The following ITGAX variants were observed in gnomAD, a reference collection of about 807,000 sequenced individuals.
The protein encoded by ITGAX is integrin subunit alpha X.
Under a neutral mutation model 140.2 loss-of-function variants are expected in ITGAX, and 99 were observed. The ratio of observed to expected loss-of-function variants is 0.71; its 90% CI spans 0.60 to 0.83. ITGAX has a LOEUF of 0.83. ITGAX is among the 40% of genes least tolerant of loss of function. The probability of loss-of-function intolerance (pLI) is 0.00; values close to 1 mark genes in which losing one functional copy is unlikely to be tolerated. For synonymous variants in ITGAX, 631 were observed against 600.4 expected, an observed-to-expected ratio of 1.05 and a Z score of -0.75; for missense variants, 1,444 against 1,482.0, an observed-to-expected ratio of 0.97 and a Z score of 0.42.
At chr16:31,376,143 G>A (rs1394403320) in intron 20 of ITGAX, among the ~76,000 whole-genome samples, 2 of 152,072 alleles carry the variant, frequency 1.3e-5, no homozygotes, top group Non-Finnish European at 2.9e-5. Flanking sequence ...GAAAAATGTT[G>A]GTTACTTAAA....
chr16:31,363,213 C>A lies in ITGAX; in HGVS notation c.1549C>A (p.Pro517Thr), dbSNP rs1349872317. 4 of 1,612,934 alleles carry A rather than the reference C, an allele frequency of 2.5e-6. No homozygotes were observed. The highest frequency in any genetic ancestry group is 1.3e-5 in the African/African-American group (1 of 74,744). Residue 517 changes from proline to threonine, a missense_variant, in exon 14 of 30, where the codon CCC becomes ACC. By Grantham distance (38) the Pro-to-Thr change is conservative. Coordinates refer to ENST00000268296, the MANE Select transcript of ITGAX (RefSeq NM_000887.5). ...DAVLYGEQGHPWGRFGAALTV... is the reference protein window; with the variant it reads ...DAVLYGEQGHTWGRFGAALTV... The stretch of plus-strand genomic sequence containing the variant: ...TGTTCTCTACGGGGAGCAGGGCCAC[C>A]CCTGGGGTCGCTTTGGGGCGGCTCT...
In ITGAX at chr16:31,362,144, A is replaced by G; in HGVS notation, c.1156A>G (p.Met386Val). Residue 386 changes from methionine (M) to valine (V), a missense_variant, in exon 11 of 30, where the codon ATG (methionine) becomes GTG (valine). Transcript: ENST00000268296. The part of the protein sequence containing the change: ...SGGAFLYPPN[M>V]SPTFINMSQE... ...AGGTGCCTTCCTGTACCCCCCAAAT[A>G]TGAGCCCTACCTTCATCAACATGTC... The G allele has an allele frequency of 1.2e-6, 2 of 1,614,004 alleles. No homozygotes were observed. Among genetic ancestry groups the G allele is most frequent in the East Asian group, 2.2e-5 (1 of 44,850 alleles).
In ITGAX at chr16:31,371,185, G is replaced by T; in HGVS notation, c.1812G>T (p.Val604=). 6.2e-7 allele frequency: 1 copy of T among 1,611,162 alleles called. No individual in the cohort carries two copies. Among genetic ancestry groups the T allele is most frequent in the Non-Finnish European group, 8.5e-7 (1 of 1,178,696 alleles). Residue 604 remains valine, a synonymous_variant, in exon 15 of 30, where the codon GTG becomes GTT. Coordinates refer to ENST00000268296, the MANE Select transcript of ITGAX (RefSeq NM_000887.5). ...AGGATGGACTGGTGGACCTGGCTGTGGGGGCCCGGGGCCAGGTGCTCCTGC... is the reference window on the plus strand; with the variant it reads ...AGGATGGACTGGTGGACCTGGCTGTTGGGGCCCGGGGCCAGGTGCTCCTGC... The part of the protein sequence containing the change: ...LTQDGLVDLA[V]GARGQVLLLR...
intron 29 of ITGAX, among the ~76,000 whole-genome samples, chr16:31,381,349 G>A (rs1054252538): frequency 1.3e-5 from 2 of 152,128 alleles, no homozygotes; most frequent in African/African-American, 4.8e-5. Flanking sequence ...GCTCCACTCT[G>A]GGCCTTGATT....
intron 3 of ITGAX, 134 bp downstream of exon 3, chr16:31,356,862 GC>G (rs1459031806): frequency 1.5e-5 from 12 of 799,420 alleles, no homozygotes; most frequent in Non-Finnish European, 1.8e-5. Flanking sequence ...ATGCTTCCTG[GC>G]CCCTTAAGGC....
At chr16:31,374,188 C>T (rs2080998942) in intron 20 of ITGAX, among the ~76,000 whole-genome samples, 2 of 151,956 alleles carry the variant, frequency 1.3e-5, no homozygotes, top group African/African-American at 4.8e-5. Context: ...ACTGGGGAGG[C>T]CGAGGTGAGA....
At chr16:31,379,719 C>T (rs1327466599) in intron 24 of ITGAX, 38 bp from the exon 25 acceptor site, 2 of 1,600,760 alleles carry the variant, frequency 1.2e-6, no homozygotes, top group Non-Finnish European at 1.7e-6. Context: ...GGGATTTGGG[C>T]TTTGGCGTGG....
At chr16:31,356,987 C>T (rs1023649402) in intron 3 of ITGAX, 44 bp from the exon 4 acceptor site, 7 of 1,532,524 alleles carry the variant, frequency 4.6e-6, no homozygotes, top group South Asian at 3.5e-5. Context: ...CCACAGCCTT[C>T]TCTGTACCCC....
At chr16:31,371,874 G>A in intron 17 of ITGAX, 90 bp downstream of exon 17, 1 of 1,484,950 alleles carries the variant, frequency 6.7e-7, no homozygotes, top group Non-Finnish European at 9.1e-7. Context: ...CGGCCTCCCT[G>A]TGGCTCAGCC....
chr16:31,371,263 TG>T (rs764724120), intron 15 of ITGAX, 49 bp downstream of exon 15: 6 of 1,606,390 alleles, frequency 3.7e-6, no homozygotes, highest in East Asian at 2.2e-5. Flanking sequence ...TAGGTTCAGA[TG>T]GGGGTGCCCA....
At chr16:31,380,130 T>G (rs2081054934) in intron 26 of ITGAX, 65 bp downstream of exon 26, 1 of 1,562,922 alleles carries the variant, frequency 6.4e-7, no homozygotes, top group Admixed American at 1.7e-5. Context: ...ACCCAGGAGT[T>G]CATGTTCCAT....
In ITGAX at chr16:31,363,383, G is replaced by T. The variant is rs760509332; in HGVS notation, c.1710+9G>T. The T allele has an allele frequency of 1.2e-6, 2 of 1,611,752 alleles. No individual in the cohort carries two copies. The highest frequency in any genetic ancestry group is 1.1e-5 in the South Asian group (1 of 91,074). ...GCCCCTCCCACAGCCAGGTGAGGCC[G>T]TGTCCCATTTCTGTCACTAGAGCAG... On this transcript the variant is annotated intron_variant, in intron 14 of 29. Coordinates refer to ENST00000268296, the MANE Select transcript of ITGAX (RefSeq NM_000887.5).
In ITGAX at chr16:31,380,505, C is replaced by G. The variant is rs771361955; in HGVS notation, c.3175-18C>G. 1 of 1,614,056 alleles carries G rather than the reference C, an allele frequency of 6.2e-7. No individual in the cohort carries two copies. Among genetic ancestry groups the G allele is most frequent in the Admixed American group, 1.7e-5 (1 of 60,008 alleles). On this transcript the variant is annotated intron_variant, in intron 27 of 29. Coordinates refer to ENST00000268296, the MANE Select transcript of ITGAX (RefSeq NM_000887.5). ...CCCCCAGAGCCAGTTCAACAGGTTT[C>G]CCCCAACCCCTTTGCAGATATTGCA... is the stretch of plus-strand genomic sequence containing the variant.
rs906319454 is a variant in ITGAX at position 31,380,159 on chromosome 16, C to A, written c.3060+94C>A. ...GTTCCATATCCATCCTGCTGAAGTA[C>A]CCTCTTGCATTCGGATATGGCCGCT... On this transcript the variant is annotated intron_variant, in intron 26 of 29. Transcript: ENST00000268296. 5.9e-6 allele frequency: 9 copies of A among 1,521,110 alleles called. No homozygotes were observed. The African/African-American group carries it at 9.6e-5, about 16-fold the overall frequency. 94.2% of individuals were successfully genotyped at this position (1,521,110 alleles called of 1,614,324 possible). A position where few individuals can be genotyped will look rare whatever the true frequency, so the allele number is the denominator to read the frequency against.
intron 17 of ITGAX, among the ~76,000 whole-genome samples, chr16:31,372,150 G>C (rs1273338637): frequency 6.7e-6 from 1 of 149,556 alleles, no homozygotes; most frequent in Non-Finnish European, 1.5e-5. Context: ...AACAGTCATT[G>C]CTGATCGGGA....
chr16:31,359,917 C>A lies in ITGAX; in HGVS notation c.562-3C>A, dbSNP rs368541545. 2 of 1,614,146 alleles carry A rather than the reference C, an allele frequency of 1.2e-6. No homozygotes were observed. Among genetic ancestry groups the A allele is most frequent in the South Asian group, 1.1e-5 (1 of 91,088 alleles). The stretch of plus-strand genomic sequence containing the variant: ...CAGCCCCAGCCCTGTGTGCTTCTCC[C>A]AGTTTTCCCTGATGCAGTTCTCCAA... On this transcript the variant is annotated splice_region_variant and splice_polypyrimidine_tract_variant and intron_variant, in intron 6 of 29. Coordinates refer to ENST00000268296, the MANE Select transcript of ITGAX (RefSeq NM_000887.5).
rs187454512 is a variant in ITGAX, at chr16:31,373,449, C to T, written c.2508+59C>T. The T allele has an allele frequency of 5.3e-5, 80 of 1,522,644 alleles. 4 individuals carry two copies. In the South Asian group the frequency reaches 5.6e-4, roughly 11 times the overall value. 94.3% of individuals were successfully genotyped at this position (1,522,644 alleles called of 1,614,324 possible). A position where few individuals can be genotyped will look rare whatever the true frequency, so the allele number is the denominator to read the frequency against. ...CTGGGCGTTAGCGTAGATTCCCGTG[C>T]GGTTCAGAACCCGGGCTGGGCTTGG... is the stretch of plus-strand genomic sequence containing the variant. On this transcript the variant is annotated intron_variant, in intron 20 of 29. Coordinates refer to ENST00000268296, the MANE Select transcript of ITGAX (RefSeq NM_000887.5).
Position 31,374,584 on chromosome 16 carries a change from C to T in ITGAX, c.2508+1194C>T, listed in dbSNP as rs541926540. On this transcript the variant is annotated intron_variant, in intron 20 of 29. Transcript: ENST00000268296. ...CCTCCTGAGTAGCTAGAACCACATG[C>T]ACACACCACCACACCTGGCTAATTT... Among the ~76,000 whole-genome samples, 4 of 152,182 alleles carry T rather than the reference C, an allele frequency of 2.6e-5. No homozygotes were observed. The South Asian group carries it at 8.3e-4, about 32-fold the overall frequency.
chr16:31,370,655 A>G (rs2080946073), intron 14 of ITGAX, among the ~76,000 whole-genome samples: 1 of 152,168 alleles, frequency 6.6e-6, no homozygotes, highest in Admixed American at 6.5e-5. Context: ...GTGATATATT[A>G]TTGACTGCTG....
Sources: gnomAD v4.1 joint callset for allele counts (sites outside exome capture counted in the v4.1 genomes callset) on GRCh38, gnomAD v4.1.1 for gene constraint, MANE v1.5 for transcripts, NCBI Gene and HGNC (gene_info 2026-07-23, HGNC 2026-07-21) for gene names.